The following CCDC178 variants were observed in gnomAD, a reference collection of about 807,000 sequenced individuals.
CCDC178 encodes coiled-coil domain containing 178.
CCDC178 carries 126 observed loss-of-function variants against 117.4 expected under a neutral mutation model. The ratio of observed to expected loss-of-function variants is 1.07; its 90% CI spans 0.93 to 1.24. CCDC178 has a LOEUF of 1.24. CCDC178 is among the 50% of genes most tolerant of loss of function. CCDC178 has a pLI of 0.00. For synonymous variants in CCDC178, 283 were observed against 313.4 expected, an observed-to-expected ratio of 0.90 and a Z score of 1.02; for missense variants, 1,030 against 986.9, an observed-to-expected ratio of 1.04 and a Z score of -0.59.
chr18:33,092,217 T>C (rs1405768274), intron 21 of CCDC178, among the ~76,000 whole-genome samples: 2 of 152,172 alleles, frequency 1.3e-5, no homozygotes, highest in Non-Finnish European at 2.9e-5. Context: ...GAACTTTTTC[T>C]TCCTTTCTGA....
At chr18:33,048,437 G>C (rs2056685626) in intron 21 of CCDC178, among the ~76,000 whole-genome samples, 1 of 152,166 alleles carries the variant, frequency 6.6e-6, no homozygotes, top group South Asian at 2.1e-4. Flanking sequence ...TCTCAGATTA[G>C]AATAATTTCT....
At chr18:33,073,091 C>T (rs2049968679) in intron 21 of CCDC178, among the ~76,000 whole-genome samples, 1 of 151,442 alleles carries the variant, frequency 6.6e-6, no homozygotes, top group African/African-American at 2.4e-5. Flanking sequence ...GTTTCAGGGC[C>T]CTTATTAATT....
Position 33,215,536 on chromosome 18 carries a change from G to T in CCDC178, c.2078+14C>A, listed in dbSNP as rs374381010. On this transcript the variant is annotated intron_variant, in intron 19 of 22. Coordinates refer to ENST00000383096, the MANE Select transcript of CCDC178 (RefSeq NM_001105528.4). ...TTTAAAAACTTCATATTTTGATAAA[G>T]TTTAAGTACTTACTTTAATATTTCA... 22 of 1,249,868 alleles carry T rather than the reference G, an allele frequency of 1.8e-5. No homozygotes were observed. The highest frequency in any genetic ancestry group is 3.2e-5 in the African/African-American group (2 of 62,832). 77.4% of individuals were successfully genotyped at this position (1,249,868 alleles called of 1,614,324 possible). A position where few individuals can be genotyped will look rare whatever the true frequency, so the allele number is the denominator to read the frequency against.
intron 19 of CCDC178, 27 bp downstream of exon 19, chr18:33,215,523 A>T (rs569423926): frequency 8.7e-7 from 1 of 1,149,698 alleles, no homozygotes; most frequent in Non-Finnish European, 1.2e-6. Context: ...TAAAAACTTC[A>T]TATTTTGATA....
intron 6 of CCDC178, among the ~76,000 whole-genome samples, chr18:33,360,734 T>C (rs2063113782): frequency 1.3e-5 from 2 of 151,458 alleles, no homozygotes. Flanking sequence ...AAGAAGAAAT[T>C]AAGAAAACAA....
At chr18:33,166,206 C>T (rs1173070847) in intron 20 of CCDC178, among the ~76,000 whole-genome samples, 2 of 152,102 alleles carry the variant, frequency 1.3e-5, no homozygotes, top group Non-Finnish European at 2.9e-5. Flanking sequence ...ATAGATCACA[C>T]TTTAGGAACT....
intron 14 of CCDC178, among the ~76,000 whole-genome samples, chr18:33,247,944 T>C (rs1403383706): frequency 1.3e-5 from 2 of 151,838 alleles, no homozygotes; most frequent in African/African-American, 2.4e-5. Context: ...ATACTCCCTA[T>C]GAAGATTAGT....
intron 21 of CCDC178, among the ~76,000 whole-genome samples, chr18:32,979,013 G>A (rs2055086982): frequency 6.6e-6 from 1 of 150,512 alleles, no homozygotes; most frequent in Non-Finnish European, 1.5e-5. Context: ...CTCCAGCCTG[G>A]GAGACAGAGT....
intron 21 of CCDC178, among the ~76,000 whole-genome samples, chr18:33,070,238 C>T (rs948950913): frequency 2.0e-5 from 3 of 151,976 alleles, no homozygotes; most frequent in African/African-American, 7.2e-5. Context: ...ATGTTTATTG[C>T]AGCAGTATTC....
intron 3 of CCDC178, among the ~76,000 whole-genome samples, chr18:33,401,008 A>T (rs1474682666): frequency 6.6e-6 from 1 of 152,188 alleles, no homozygotes. Flanking sequence ...GTCTCAGGGA[A>T]CAAAGAGGCT....
intron 11 of CCDC178, among the ~76,000 whole-genome samples, chr18:33,301,098 A>G (rs1363892041): frequency 6.6e-6 from 1 of 152,212 alleles, no homozygotes; most frequent in African/African-American, 2.4e-5. Context: ...TGCTCAGTTT[A>G]GGGACACTGC....
intron 4 of CCDC178, among the ~76,000 whole-genome samples, chr18:33,396,265 T>C (rs2063634954): frequency 1.3e-5 from 2 of 152,054 alleles, no homozygotes; most frequent in African/African-American, 2.4e-5. Context: ...CTACATAGTA[T>C]GGGGATTGTC....
chr18:33,054,360 T>C (rs187387498), intron 21 of CCDC178, among the ~76,000 whole-genome samples: 93 of 152,324 alleles, frequency 6.1e-4, no homozygotes, highest in Non-Finnish European at 2.5e-4. Context: ...CTTGCACAGA[T>C]CACCCCATCA....
chr18:33,353,433 G>A (rs2063005855), intron 7 of CCDC178, among the ~76,000 whole-genome samples: 1 of 151,778 alleles, frequency 6.6e-6, no homozygotes, highest in Non-Finnish European at 1.5e-5. Context: ...GATTATTTTT[G>A]CCATTTTGCT....
At chr18:33,341,457 G>A (rs2062816011) in intron 9 of CCDC178, among the ~76,000 whole-genome samples, 1 of 152,116 alleles carries the variant, frequency 6.6e-6, no homozygotes, top group African/African-American at 2.4e-5. Context: ...TGAAATATGA[G>A]GGCATGAAAT....
intron 21 of CCDC178, among the ~76,000 whole-genome samples, chr18:33,084,955 T>C (rs1396759205): frequency 6.6e-6 from 1 of 152,174 alleles, no homozygotes; most frequent in African/African-American, 2.4e-5. Flanking sequence ...ACCTGGGCAT[T>C]AGATGTCTTA....
chr18:33,406,458 A>T (rs2063781446), intron 3 of CCDC178, among the ~76,000 whole-genome samples: 1 of 152,080 alleles, frequency 6.6e-6, no homozygotes, highest in African/African-American at 2.4e-5. Flanking sequence ...AAATAATAGT[A>T]TTACAGCTCA....
chr18:33,381,633 A>T (rs2063440021), intron 5 of CCDC178, among the ~76,000 whole-genome samples: 1 of 152,010 alleles, frequency 6.6e-6, no homozygotes, highest in African/African-American at 2.4e-5. Flanking sequence ...ATACAAATGC[A>T]TTCTTTAAAA....
At position 33,435,984 on chromosome 18, in the gene CCDC178, G is replaced by A. The variant is rs145172905; in HGVS notation, c.-23+3978C>T. Among the ~76,000 whole-genome samples, 697 of 152,108 alleles carry A rather than the reference G, an allele frequency of 4.6e-3. 13 individuals are homozygous for A. The highest frequency in any genetic ancestry group is 3.4e-3 in the Middle Eastern group (1 of 294). ...TTTTTAATGACGATGGTATATGTGTGTCCAATATTCATGAGAAGGTTTGAT... is the reference window on the plus strand; with the variant it reads ...TTTTTAATGACGATGGTATATGTGTATCCAATATTCATGAGAAGGTTTGAT... On this transcript the variant is annotated intron_variant, in intron 2 of 22. Coordinates refer to ENST00000383096, the MANE Select transcript of CCDC178 (RefSeq NM_001105528.4).
Sources: allele counts gnomAD v4.1 joint callset (sites outside exome capture counted in the v4.1 genomes callset), GRCh38; gene constraint gnomAD v4.1.1; transcripts MANE v1.5; gene names NCBI Gene and HGNC (gene_info 2026-07-23, HGNC 2026-07-21).